CLEC17A: variants seen among roughly 807,000 people sequenced by gnomAD.
CLEC17A encodes the protein C-type lectin domain containing 17A.
CLEC17A carries 37 observed loss-of-function variants against 61.3 expected under a neutral mutation model. The ratio of observed to expected loss-of-function variants is 0.60; its 90% CI spans 0.46 to 0.79. CLEC17A has a LOEUF of 0.79. Among genes scored for constraint, CLEC17A ranks in the 30% least tolerant of loss-of-function variants. The pLI is 0.00. For missense variants in CLEC17A, 418 were observed against 464.7 expected (o/e 0.90, Z 0.92); for synonymous variants, 168 against 164.9 (o/e 1.02, Z -0.14).
intron 13 of CLEC17A, among the ~76,000 whole-genome samples, chr19:14,607,541 TTTTATTTTATTA>T (rs1451069928): frequency 3.2e-4 from 47 of 146,012 alleles, no homozygotes; most frequent in African/African-American, 1.1e-3. Flanking sequence ...ACTTGTTTTA[TTTTATTTTATTA>T]TTTATTTATT....
upstream of CLEC17A, among the ~76,000 whole-genome samples, chr19:14,581,536 TG>T (rs910320795): frequency 2.6e-5 from 4 of 152,152 alleles, no homozygotes; most frequent in Non-Finnish European, 5.9e-5. Context: ...TTCATCATGT[TG>T]GCCAGGCTGG....
chr19:14,601,600 T>C (rs2074719065), intron 12 of CLEC17A, among the ~76,000 whole-genome samples: 1 of 152,078 alleles, frequency 6.6e-6, no homozygotes, highest in East Asian at 1.9e-4. Flanking sequence ...GACATAGGAC[T>C]ATAGTATGGT....
intron 8 of CLEC17A, among the ~76,000 whole-genome samples, chr19:14,596,533 G>T (rs1251777896): frequency 6.6e-6 from 1 of 152,104 alleles, no homozygotes; most frequent in Non-Finnish European, 1.5e-5. Flanking sequence ...ACTTGAAAGG[G>T]TGAGGTGGGA....
At chr19:14,589,638 A>G (rs1354507003) in intron 3 of CLEC17A, among the ~76,000 whole-genome samples, 2 of 119,754 alleles carry the variant, frequency 1.7e-5, no homozygotes, top group Admixed American at 1.8e-4. Context: ...GACTCATATG[A>G]CTCTCAGGGC....
At chr19:14,596,392 G>C (rs889749350) in intron 8 of CLEC17A, among the ~76,000 whole-genome samples, 2 of 152,158 alleles carry the variant, frequency 1.3e-5, no homozygotes, top group Non-Finnish European at 2.9e-5. Flanking sequence ...CACTTTGGGA[G>C]GCTGAAGCAG....
chr19:14,596,777 A>C (rs1184518173), intron 8 of CLEC17A, 99 bp from the exon 9 acceptor site: 2 of 1,382,142 alleles, frequency 1.4e-6, no homozygotes, highest in African/African-American at 2.9e-5. Context: ...TCATGACTAC[A>C]GACTTCTGCC....
chr19:14,599,034 T>C (rs117570752), intron 10 of CLEC17A, among the ~76,000 whole-genome samples: 4,693 of 150,684 alleles, frequency 0.031, 99 homozygotes, highest in Non-Finnish European at 0.047. Flanking sequence ...TCCACTCTTA[T>C]AGGCTTTGCC....
At chr19:14,598,237 C>T (rs557003658) in intron 10 of CLEC17A, among the ~76,000 whole-genome samples, 26 of 152,268 alleles carry the variant, frequency 1.7e-4, no homozygotes, top group African/African-American at 6.3e-4. Flanking sequence ...GGGAGGATCC[C>T]TTGAGGCCAG....
chr19:14,597,768 TA>T (rs1364088625), intron 10 of CLEC17A, among the ~76,000 whole-genome samples: 4 of 150,080 alleles, frequency 2.7e-5, no homozygotes, highest in African/African-American at 1.0e-4. Context: ...CCCGGCTGGT[TA>T]AAAAATTTTT....
intron 11 of CLEC17A, 109 bp downstream of exon 11, chr19:14,599,921 T>TC: frequency 6.7e-7 from 1 of 1,493,260 alleles, no homozygotes; most frequent in Non-Finnish European, 9.1e-7. Context: ...ATGGTGCCCC[T>TC]CCCCCTCACC....
At position 14,599,649 on chromosome 19, in the gene CLEC17A, T is replaced by C. The variant is rs777169729; in HGVS notation, c.647-68T>C. On this transcript the variant is annotated intron_variant, in intron 10 of 13. Coordinates refer to ENST00000417570, the MANE Select transcript of CLEC17A (RefSeq NM_001204118.2). ...CCCTTGCTTCTCTCTCTGATGTGTCTGCAGTCCGTGGTGGATGGGTAGGAT... is the reference window on the plus strand; with the variant it reads ...CCCTTGCTTCTCTCTCTGATGTGTCCGCAGTCCGTGGTGGATGGGTAGGAT... 1.5e-4 allele frequency: 159 copies of C among 1,084,530 alleles called. 1 individual carries two copies. The highest frequency in any genetic ancestry group is 2.2e-4 in the Non-Finnish European group (153 of 708,246). The allele number at this position is 1,084,530 out of a possible 1,614,324, so 67.2% of individuals were successfully genotyped here.
chr19:14,610,213 TG>T lies in CLEC17A; in HGVS notation c.*22del. ...TCCTGTTGAAGCCCAGGGCCGAGGCTGGGGGTCCATATCTGAGTGTCTCTTT... is the reference window on the plus strand; with the variant it reads ...TCCTGTTGAAGCCCAGGGCCGAGGCTGGGGTCCATATCTGAGTGTCTCTTT... On this transcript the variant is annotated 3_prime_UTR_variant, in exon 14 of 14. Coordinates refer to ENST00000417570, the MANE Select transcript of CLEC17A (RefSeq NM_001204118.2). 6.4e-7 allele frequency: 1 copy of T among 1,550,962 alleles called. No individual in the cohort carries two copies.
chr19:14,589,065 G>T (rs1195761688), intron 3 of CLEC17A, among the ~76,000 whole-genome samples: 1 of 151,114 alleles, frequency 6.6e-6, no homozygotes, highest in East Asian at 1.9e-4. Flanking sequence ...ACATCCACAT[G>T]CAGCCCAGCA....
At chr19:14,605,996 A>G (rs888694264) in intron 12 of CLEC17A, among the ~76,000 whole-genome samples, 1 of 152,082 alleles carries the variant, frequency 6.6e-6, no homozygotes, top group African/African-American at 2.4e-5. Flanking sequence ...CTCCTTGGCT[A>G]AAGTGGTGGG....
chr19:14,602,608 G>C (rs2074749469), intron 12 of CLEC17A, among the ~76,000 whole-genome samples: 2 of 152,176 alleles, frequency 1.3e-5, no homozygotes, highest in South Asian at 4.1e-4. Flanking sequence ...GGTATTTTTA[G>C]ACCGTTTACA....
chr19:14,593,433 G>A (rs1031995336), intron 4 of CLEC17A, among the ~76,000 whole-genome samples: 10 of 151,614 alleles, frequency 6.6e-5, no homozygotes, highest in Admixed American at 4.0e-4. Context: ...CATCACTGGA[G>A]CCCCAGAAAA....
At chr19:14,591,481 G>A (rs2074416483) in intron 3 of CLEC17A, among the ~76,000 whole-genome samples, 1 of 150,394 alleles carries the variant, frequency 6.6e-6, no homozygotes, top group Non-Finnish European at 1.5e-5. Flanking sequence ...ATCTCACTGT[G>A]TTGCCCAGGC....
At chr19:14,587,798 C>A in intron 3 of CLEC17A, 107 bp downstream of exon 3, 1 of 1,549,964 alleles carries the variant, frequency 6.5e-7, no homozygotes, top group South Asian at 1.2e-5. Context: ...CTCTACACAG[C>A]CCATGCCGGG....
Position 14,607,041 on chromosome 19 carries a change from C to T in CLEC17A, c.943C>T (p.Leu315=). Residue 315 remains leucine, a synonymous_variant, in exon 13 of 14, where the codon CTG becomes TTG. Transcript: ENST00000417570. Reference sequence around the variant, plus strand: ...CTCTCCACGGGTGTACTGGCTGGGGCTGAATGACAGGGCCCAGGAAGGGGA... The same window carrying T: ...CTCTCCACGGGTGTACTGGCTGGGGTTGAATGACAGGGCCCAGGAAGGGGA... ...HGSPRVYWLG[L]NDRAQEGDWR... The T allele has an allele frequency of 7.4e-7, 1 of 1,349,676 alleles. No individual in the cohort carries two copies. The highest frequency in any genetic ancestry group is 9.6e-7 in the Non-Finnish European group (1 of 1,043,710). 83.6% of individuals were successfully genotyped at this position (1,349,676 alleles called of 1,614,324 possible).
Sources: allele counts gnomAD v4.1 joint callset (sites outside exome capture counted in the v4.1 genomes callset), GRCh38; gene constraint gnomAD v4.1.1; transcripts MANE v1.5; gene names NCBI Gene and HGNC (gene_info 2026-07-23, HGNC 2026-07-21).